The following SYCE1 variants were observed in gnomAD, a reference collection of about 807,000 sequenced individuals.
SYCE1 encodes the protein synaptonemal complex central element protein 1, also known as cancer/testis antigen 76.
A neutral mutation model predicts 55.1 loss-of-function variants in SYCE1; 37 were observed. The observed-to-expected ratio is 0.67, with a 90% CI of 0.52 to 0.88. SYCE1 has a LOEUF of 0.88. Ranked by LOEUF, SYCE1 falls within the 40% of genes least tolerant of loss-of-function variation. The probability of loss-of-function intolerance (pLI) is 0.00; values close to 1 mark genes in which losing one functional copy is unlikely to be tolerated. For missense variants in SYCE1, 399 were observed against 416.4 expected, an observed-to-expected ratio of 0.96 and a Z score of 0.36; for synonymous variants, 163 against 159.4, an observed-to-expected ratio of 1.02 and a Z score of -0.17.
chr10:133,556,532 G>A (rs1303305654), intron 8 of SYCE1: 2 of 595,894 alleles, frequency 3.4e-6, no homozygotes, highest in Non-Finnish European at 6.0e-6. Context: ...CACATCCACG[G>A]ACAGTGATGG....
chr10:133,565,675 A>G (rs937366734), upstream of SYCE1: 3 of 776,518 alleles, frequency 3.9e-6, no homozygotes, highest in South Asian at 2.0e-5. Context: ...ATTCTCCGGC[A>G]GGCCTGCGTG....
chr10:133,556,901 A>T (rs1851697807), intron 7 of SYCE1, 79 bp from the exon 8 acceptor site: 1 of 1,573,458 alleles, frequency 6.4e-7, no homozygotes, highest in Non-Finnish European at 8.7e-7. Flanking sequence ...GTGGTTCTTC[A>T]GGCAGATTTT....
At chr10:133,558,382 C>G (rs748820128) in intron 4 of SYCE1, 168 bp from the exon 5 acceptor site, 4 of 706,856 alleles carry the variant, frequency 5.7e-6, no homozygotes, top group Non-Finnish European at 9.8e-6. Context: ...TCCTTGTAAG[C>G]ACCAAAGGGC....
chr10:133,555,016 A>G lies in SYCE1; in HGVS notation c.1032T>C (p.Phe344=). The G allele has an allele frequency of 6.5e-7, 1 of 1,549,978 alleles. No individual in the cohort carries two copies. The highest frequency in any genetic ancestry group is 8.7e-7 in the Non-Finnish European group (1 of 1,146,372). ...TLHPDLSPRG[F]QEIKELF ...ATCAAAATAGCTCCTTTATTTCCTG[A>G]AAGCCCCTTGGGCTAAGGTCGGGGT... Residue 344 remains phenylalanine, a synonymous_variant, in exon 13 of 13, where the codon TTT becomes TTC. Transcript: ENST00000343131.
At position 133,557,934 on chromosome 10, in the gene SYCE1, C is replaced by T; in HGVS notation, c.320-16G>A. The T allele has an allele frequency of 6.2e-7, 1 of 1,613,880 alleles. No homozygotes were observed. The highest frequency in any genetic ancestry group is 8.5e-7 in the Non-Finnish European group (1 of 1,179,992). ...CTCAGGGTCTCTGTAGGGAGAGCAA[C>T]AGGGCCCTATGAGAACCTGTCAAGG... On this transcript the variant is annotated splice_polypyrimidine_tract_variant and intron_variant, in intron 5 of 12. Coordinates refer to ENST00000343131, the MANE Select transcript of SYCE1 (RefSeq NM_001143764.3).
At chr10:133,560,005 T>C (rs1851783550) in intron 2 of SYCE1, 86 bp downstream of exon 2, 4 of 1,126,696 alleles carry the variant, frequency 3.6e-6, no homozygotes, top group Admixed American at 1.9e-5. Flanking sequence ...ATTTCCCAAA[T>C]TCGTACATTG....
At chr10:133,559,439 C>A in intron 2 of SYCE1, 79 bp from the exon 3 acceptor site, 1 of 1,383,734 alleles carries the variant, frequency 7.2e-7, no homozygotes, top group Non-Finnish European at 1.0e-6. Flanking sequence ...CTGCTGCTTT[C>A]ACGCAACACA....
intron 11 of SYCE1, 65 bp downstream of exon 11, chr10:133,555,532 G>A: frequency 6.2e-7 from 1 of 1,606,664 alleles, no homozygotes; most frequent in South Asian, 1.1e-5. Flanking sequence ...AGAAGGTGGA[G>A]AGAGGAGATA....
At chr10:133,555,284 C>T (rs1223257503) in intron 12 of SYCE1, 67 bp downstream of exon 12, 2 of 1,604,866 alleles carry the variant, frequency 1.2e-6, no homozygotes, top group African/African-American at 1.3e-5. Context: ...CTCCCTTGTC[C>T]TCCCGCCCCT....
In SYCE1 at chr10:133,565,565, G is replaced by C. The variant is rs899801566; in HGVS notation, c.-36C>G. 2 of 1,544,200 alleles carry C rather than the reference G, an allele frequency of 1.3e-6. No homozygotes were observed. Among genetic ancestry groups the C allele is most frequent in the African/African-American group, 2.7e-5 (2 of 73,008 alleles). On this transcript the variant is annotated 5_prime_UTR_variant, in exon 1 of 13. Coordinates refer to ENST00000343131, the MANE Select transcript of SYCE1 (RefSeq NM_001143764.3). The stretch of plus-strand genomic sequence containing the variant: ...CTCGCCAGCGAGGGTGCCTCGGGAG[G>C]GAGCCTCCAGTGGTGATTGGAGCAA...
At chr10:133,559,595 G>A (rs1325482241) in intron 2 of SYCE1, 10 of 533,360 alleles carry the variant, frequency 1.9e-5, no homozygotes, top group Non-Finnish European at 3.4e-5. Flanking sequence ...GTAGGCCAAG[G>A]GAGGCTAAAG....
chr10:133,555,570 T>C (rs1481780243), intron 11 of SYCE1, 27 bp downstream of exon 11: 1 of 1,601,916 alleles, frequency 6.2e-7, no homozygotes, highest in Admixed American at 1.7e-5. Flanking sequence ...CTGGTGGGGG[T>C]TGCGGGGACA....
chr10:133,554,533 G>C, downstream of SYCE1: 1 of 654,186 alleles, frequency 1.5e-6, no homozygotes. Flanking sequence ...AAAAGTGCCT[G>C]AGTTATACAT....
Position 133,556,032 on chromosome 10 carries a change from C to T in SYCE1, c.544G>A (p.Ala182Thr). The T allele has an allele frequency of 6.2e-7, 1 of 1,613,954 alleles. No homozygotes were observed. The stretch of plus-strand genomic sequence containing the variant: ...CTGTCCAGGGCACAAATCTCCTTTG[C>T]CAGCCGCTCTGGCATCTGAGGGGCA... ...LWDFHMPERLAKEICALDSSK... is the reference protein window; with the variant it reads ...LWDFHMPERLTKEICALDSSK... The change falls in exon 9 of 13, where the codon GCA becomes ACA. Residue 182 changes from alanine to threonine, a missense_variant. Transcript: ENST00000343131.
At chr10:133,557,964 G>A (rs749366818) in intron 5 of SYCE1, 46 bp from the exon 6 acceptor site, 4 of 1,609,620 alleles carry the variant, frequency 2.5e-6, no homozygotes, top group East Asian at 4.5e-5. Flanking sequence ...TCAAGGTATT[G>A]GGTTTTGGCA....
Position 133,564,996 on chromosome 10 carries a change from G to A in SYCE1, c.73+461C>T, listed in dbSNP as rs575978878. On this transcript the variant is annotated intron_variant, in intron 1 of 12. Coordinates refer to ENST00000343131, the MANE Select transcript of SYCE1 (RefSeq NM_001143764.3). ...ACAAACGGGGGATCTGCGTGGAGTC[G>A]GCCTCCCCCGGCTCCCCGGGGCGTC... 9.3e-5 allele frequency among the ~76,000 whole-genome samples: 14 copies of A among 149,850 alleles called. No individual in the cohort carries two copies. In the East Asian group the frequency reaches 2.1e-3, roughly 23 times the overall value.
intron 1 of SYCE1, among the ~76,000 whole-genome samples, chr10:133,562,475 A>G (rs1851840057): frequency 2.0e-5 from 3 of 152,194 alleles, no homozygotes; most frequent in Non-Finnish European, 4.4e-5. Flanking sequence ...TGAGGGACCT[A>G]AAATAGTTTA....
chr10:133,555,259 G>A, intron 12 of SYCE1, 92 bp downstream of exon 12: 2 of 1,587,654 alleles, frequency 1.3e-6, no homozygotes, highest in Non-Finnish European at 1.7e-6. Context: ...ATCCTCTGAG[G>A]AGTCCCAGGA....
In SYCE1 at chr10:133,558,195, G is replaced by T; in HGVS notation, c.291C>A (p.His97Gln). ...GTTTTTTGCTCAAGATCTCCTTCAG[G>T]TGTACTTTCTCTCCATGCACTAGAA... ...ELDSLHGEKV[H>Q]LKEILSKKQE... Residue 97 changes from histidine to glutamine, a missense_variant, in exon 5 of 13, where the codon CAC (histidine) becomes CAA (glutamine). Transcript: ENST00000343131. 1 of 1,614,180 alleles carries T rather than the reference G, an allele frequency of 6.2e-7. No individual in the cohort carries two copies. The highest frequency in any genetic ancestry group is 1.7e-5 in the Admixed American group (1 of 60,032).
Sources: allele counts gnomAD v4.1 joint callset (sites outside exome capture counted in the v4.1 genomes callset), GRCh38; gene constraint gnomAD v4.1.1; transcripts MANE v1.5; gene names NCBI Gene and HGNC (gene_info 2026-07-23, HGNC 2026-07-21).